Variants in CDH4 observed in about 807,000 individuals in gnomAD.
CDH4 encodes cadherin 4, also known as cadherin-4.
A neutral mutation model predicts 86.0 loss-of-function variants in CDH4; 33 were observed. That is an observed-to-expected ratio of 0.38 (90% CI 0.29 to 0.51). CDH4 has a LOEUF of 0.51. Among genes scored for constraint, CDH4 ranks in the 20% least tolerant of loss-of-function variants. The probability of loss-of-function intolerance (pLI) is 0.86; values close to 1 mark genes in which losing one functional copy is unlikely to be tolerated. For missense variants in CDH4, 1,114 were observed against 1,307.4 expected, an observed-to-expected ratio of 0.85 and a Z score of 2.28; for synonymous variants, 555 against 549.4, an observed-to-expected ratio of 1.01 and a Z score of -0.14.
chr20:61,670,488 G>T (rs2087374521), intron 2 of CDH4, among the ~76,000 whole-genome samples: 1 of 152,206 alleles, frequency 6.6e-6, no homozygotes, highest in Admixed American at 6.5e-5. Flanking sequence ...CAAGGGTGAA[G>T]TCAGCCCATT....
chr20:61,278,577 A>T (rs1042022339), intron 2 of CDH4, among the ~76,000 whole-genome samples: 1 of 152,252 alleles, frequency 6.6e-6, no homozygotes, highest in Non-Finnish European at 1.5e-5. Flanking sequence ...CCTGGTGCTC[A>T]GCCCTTGGGA....
chr20:61,270,301 G>C (rs1239403340), intron 2 of CDH4, among the ~76,000 whole-genome samples: 1 of 152,228 alleles, frequency 6.6e-6, no homozygotes, highest in East Asian at 1.9e-4. Context: ...AAGTTGTTCT[G>C]AGGATAGGCC....
chr20:61,333,643 G>A (rs897466805), intron 2 of CDH4, among the ~76,000 whole-genome samples: 7 of 152,212 alleles, frequency 4.6e-5, no homozygotes, highest in African/African-American at 7.2e-5. Context: ...CCCTTACCCC[G>A]GGCCACACGT....
chr20:61,881,766 G>A (rs1487780362), intron 7 of CDH4, among the ~76,000 whole-genome samples: 5 of 152,232 alleles, frequency 3.3e-5, no homozygotes, highest in South Asian at 2.1e-4. Flanking sequence ...CACAGACCTG[G>A]CCCAATCAGC....
At chr20:61,842,597 T>A (rs923599376) in intron 4 of CDH4, among the ~76,000 whole-genome samples, 4 of 152,232 alleles carry the variant, frequency 2.6e-5, no homozygotes, top group Admixed American at 6.5e-5. Context: ...TATGCTTGCA[T>A]AACATATAGA....
intron 3 of CDH4, among the ~76,000 whole-genome samples, chr20:61,768,174 G>A (rs1005515645): frequency 2.6e-5 from 4 of 152,198 alleles, no homozygotes; most frequent in Admixed American, 2.6e-4. Context: ...TTTTGAGAAA[G>A]TTGTGATGTG....
chr20:61,642,644 A>G (rs1213354205), intron 2 of CDH4, among the ~76,000 whole-genome samples: 1 of 152,206 alleles, frequency 6.6e-6, no homozygotes, highest in Non-Finnish European at 1.5e-5. Flanking sequence ...TTTGTTTCCT[A>G]TTGTGCTGTA....
At position 61,489,381 on chromosome 20, in the gene CDH4, C is replaced by T. The variant is rs184489383; in HGVS notation, c.169+234444C>T. 6.0e-3 allele frequency among the ~76,000 whole-genome samples: 914 copies of T among 152,346 alleles called. 4 individuals carry two copies. The highest frequency in any genetic ancestry group is 0.011 in the Non-Finnish European group (720 of 68,026). On this transcript the variant is annotated intron_variant, in intron 2 of 15. Coordinates refer to ENST00000614565, the MANE Select transcript of CDH4 (RefSeq NM_001794.5). The stretch of plus-strand genomic sequence containing the variant: ...ACTTGGGTCAGCATTGTCAAATCTA[C>T]ACCTACTCTATGGCCCAGTAGTTTC...
intron 2 of CDH4, among the ~76,000 whole-genome samples, chr20:61,500,911 C>A (rs1414970303): frequency 6.6e-6 from 1 of 152,228 alleles, no homozygotes; most frequent in Non-Finnish European, 1.5e-5. Context: ...GATGTGGAGG[C>A]AGGAAATGGA....
chr20:61,910,402 T>A lies in CDH4; in HGVS notation c.1189-20T>A. Reference sequence around the variant, plus strand: ...TACACTTAACACGGGTTTGTGACATTCTTTCCTTCCATTTTGCAGTTTGCA... The same window carrying A: ...TACACTTAACACGGGTTTGTGACATACTTTCCTTCCATTTTGCAGTTTGCA... On this transcript the variant is annotated intron_variant, in intron 8 of 15. Coordinates refer to ENST00000614565, the MANE Select transcript of CDH4 (RefSeq NM_001794.5). 6.2e-7 allele frequency: 1 copy of A among 1,608,936 alleles called. No homozygotes were observed. Among genetic ancestry groups the A allele is most frequent in the Non-Finnish European group, 8.5e-7 (1 of 1,175,820 alleles).
At chr20:61,610,614 C>T (rs780224540) in intron 2 of CDH4, among the ~76,000 whole-genome samples, 50 of 152,300 alleles carry the variant, frequency 3.3e-4, no homozygotes, top group Non-Finnish European at 4.9e-4. Context: ...ATGTTCCCTG[C>T]AGCAGCATAT....
intron 2 of CDH4, among the ~76,000 whole-genome samples, chr20:61,619,480 ACT>A (rs1425097908): frequency 6.6e-6 from 1 of 152,160 alleles, no homozygotes; most frequent in Admixed American, 6.5e-5. Context: ...GATGATTAGA[ACT>A]CTCTGAGTTT....
chr20:61,519,327 T>C (rs987232753), intron 2 of CDH4, among the ~76,000 whole-genome samples: 1 of 152,248 alleles, frequency 6.6e-6, no homozygotes, highest in Admixed American at 6.5e-5. Context: ...AGCAGTCATT[T>C]CCCAGCACTG....
chr20:61,632,483 C>T (rs966058054), intron 2 of CDH4, among the ~76,000 whole-genome samples: 3 of 152,208 alleles, frequency 2.0e-5, no homozygotes, highest in Middle Eastern at 3.4e-3. Flanking sequence ...GCCGGGCCTC[C>T]GGGAAATGAC....
intron 7 of CDH4, among the ~76,000 whole-genome samples, chr20:61,885,140 G>A (rs554957342): frequency 1.9e-4 from 29 of 152,188 alleles, no homozygotes; most frequent in African/African-American, 4.6e-4. Context: ...CACATAGCAC[G>A]TTCGTGCCTG....
intron 2 of CDH4, chr20:61,599,946 G>A: frequency 4.1e-6 from 4 of 985,526 alleles, no homozygotes; most frequent in Non-Finnish European, 4.8e-6. Context: ...GTAGAGGAAC[G>A]GCCTCTCCAC....
chr20:61,412,480 C>A (rs2085124718), intron 2 of CDH4, among the ~76,000 whole-genome samples: 1 of 152,232 alleles, frequency 6.6e-6, no homozygotes, highest in Non-Finnish European at 1.5e-5. Context: ...CTGAATTCCT[C>A]AGCATAGCAT....
Position 61,517,490 on chromosome 20 carries a change from T to C in CDH4, c.170-226073T>C, listed in dbSNP as rs775395127. Among the ~76,000 whole-genome samples, 9 of 152,216 alleles carry C rather than the reference T, an allele frequency of 5.9e-5. No homozygotes were observed. The highest frequency in any genetic ancestry group is 1.2e-4 in the Non-Finnish European group (8 of 68,044). ...GATTGCAGGTATGAGCCACCATGCC[T>C]GGCCTATAGACTTTTGTGTCTGGCG... On this transcript the variant is annotated intron_variant, in intron 2 of 15. Transcript: ENST00000614565. The surrounding 1 kb of genome is among the most constrained non-coding windows in gnomAD (Gnocchi z 6.6).
chr20:61,426,964 C>G (rs370382789), intron 2 of CDH4, among the ~76,000 whole-genome samples: 1 of 152,144 alleles, frequency 6.6e-6, no homozygotes, highest in Non-Finnish European at 1.5e-5. Context: ...GTACTGTGTT[C>G]CAGGCAAGTG....
Sources: gnomAD v4.1 joint callset for allele counts (sites outside exome capture counted in the v4.1 genomes callset) on GRCh38, gnomAD v4.1.1 for gene constraint, Gnocchi (gnomAD v3.1) non-coding constraint, MANE v1.5 for transcripts, NCBI Gene and HGNC (gene_info 2026-07-23, HGNC 2026-07-21) for gene names.